ROBO3: variants seen among roughly 807,000 people sequenced by gnomAD.
ROBO3 encodes roundabout guidance receptor 3.
Under a neutral mutation model 160.5 loss-of-function variants are expected in ROBO3, and 97 were observed. The observed-to-expected ratio is 0.60, with a 90% confidence interval of 0.51 to 0.72. ROBO3 has a LOEUF of 0.72. ROBO3 is among the 30% of genes least tolerant of loss of function. The probability of loss-of-function intolerance (pLI) is 0.00; values close to 1 mark genes in which losing one functional copy is unlikely to be tolerated. For synonymous variants in ROBO3, 780 were observed against 746.2 expected (o/e 1.05, Z -0.74); for missense variants, 1,858 against 1,846.5 (o/e 1.01, Z -0.11).
Position 124,876,297 on chromosome 11 carries a change from C to G in ROBO3, c.2616C>G (p.Pro872=), listed in dbSNP as rs772338371. The G allele has an allele frequency of 1.4e-6, 2 of 1,459,670 alleles. No individual in the cohort carries two copies. The highest frequency in any genetic ancestry group is 1.8e-6 in the Non-Finnish European group (2 of 1,118,498). 90.4% of individuals were successfully genotyped at this position (1,459,670 alleles called of 1,614,324 possible). Residue 872 remains proline (P), a synonymous_variant, in exon 17 of 28, where the codon CCC becomes CCG. Transcript: ENST00000397801. The surrounding 1 kb of genome is among the most constrained non-coding windows in gnomAD (Gnocchi z 5.3). The part of the protein sequence containing the change: ...VQLPSPPDLE[P]GLEVGAGLAV... ...CAGCGTCCCCGCCGGACCTGGAGCC[C>G]GGGCTGGAGGTGGGCGCGGGGCTGG...
rs1248147583 is a variant in ROBO3 at position 124,872,910 on chromosome 11, A to G, written c.1357A>G (p.Ile453Val). 2 of 1,609,932 alleles carry G rather than the reference A, an allele frequency of 1.2e-6. No individual in the cohort carries two copies. The highest frequency in any genetic ancestry group is 1.1e-5 in the South Asian group (1 of 90,696). Residue 453 changes from isoleucine (I) to valine (V), a missense_variant, in exon 9 of 28, where the codon ATC becomes GTC. Ile to Val is a conservative substitution (Grantham distance 29). Transcript: ENST00000397801. The surrounding 1 kb of genome is among the most constrained non-coding windows in gnomAD (Gnocchi z 4.3). ...GASLDGLPPV[I>V]LQGPANQTLV... ...CTCTTTGGATGGGCTGCCTCCTGTC[A>G]TCCTCCAGGGACCAGCCAATCAGAC...
rs1394283542 is a variant in ROBO3, at chr11:124,865,744, C to G, written c.160+7C>G. On this transcript the variant is annotated splice_region_variant and intron_variant, in intron 1 of 27. Transcript: ENST00000397801. The surrounding 1 kb of genome is among the most constrained non-coding windows in gnomAD (Gnocchi z 5.5). The stretch of plus-strand genomic sequence containing the variant: ...GGCGATCCCTCTCTCAACGGTGAGA[C>G]CCTGCCTCTTGGGGATATGGGATCC... 6.2e-7 allele frequency: 1 copy of G among 1,603,094 alleles called. No homozygotes were observed. Among genetic ancestry groups the G allele is most frequent in the East Asian group, 2.2e-5 (1 of 44,666 alleles).
At chr11:124,874,753 G>T in intron 12 of ROBO3, 35 bp from the exon 13 acceptor site, 1 of 1,588,472 alleles carries the variant, frequency 6.3e-7, no homozygotes. Flanking sequence ...CCCTGTCCCT[G>T]GTGGCCTCTG....
Position 124,869,237 on chromosome 11 carries a change from C to A in ROBO3, c.487+109C>A. The A allele has an allele frequency of 7.8e-7, 1 of 1,277,836 alleles. No homozygotes were observed. The allele number at this position is 1,277,836 out of a possible 1,614,324, so 79.2% of individuals were successfully genotyped here. A position where few individuals can be genotyped will look rare whatever the true frequency, so the allele number is the denominator to read the frequency against. On this transcript the variant is annotated intron_variant, in intron 2 of 27. Transcript: ENST00000397801. The surrounding 1 kb of genome is among the most constrained non-coding windows in gnomAD (Gnocchi z 4.2). ...CCCCAAAGGACTTCAGCCCACTCAG[C>A]ATCCTTCTTTGGGACCGCGACCTTT...
chr11:124,878,205 C>G lies in ROBO3; in HGVS notation c.3181+74C>G. 1.5e-5 allele frequency: 23 copies of G among 1,572,376 alleles called. No individual in the cohort carries two copies. The highest frequency in any genetic ancestry group is 2.3e-5 in the South Asian group (2 of 86,582). ...CCAAAGAGGATCCTCCTCCCTGACC[C>G]TCTGGCACCTAGCCCGGCACTTCCT... On this transcript the variant is annotated intron_variant, in intron 21 of 27. Transcript: ENST00000397801. The surrounding 1 kb of genome is among the most constrained non-coding windows in gnomAD (Gnocchi z 4.3).
chr11:124,877,593 C>T lies in ROBO3; in HGVS notation c.2921C>T (p.Ser974Leu), dbSNP rs767125636. The change falls in exon 20 of 28, where the codon TCG becomes TTG. Residue 974 changes from serine (S) to leucine (L), a missense_variant. Coordinates refer to ENST00000397801, the MANE Select transcript of ROBO3 (RefSeq NM_022370.4). ...TGGCCCCACCCATCTCGAAGCCCCTCGGCCCAGGAACCCAGGGGAAGCTGC... is the reference window on the plus strand; with the variant it reads ...TGGCCCCACCCATCTCGAAGCCCCTTGGCCCAGGAACCCAGGGGAAGCTGC... ...DSWPHPSRSP[S>L]AQEPRGSCCP... 5 of 1,607,578 alleles carry T rather than the reference C, an allele frequency of 3.1e-6. No individual in the cohort carries two copies. Among genetic ancestry groups the T allele is most frequent in the Non-Finnish European group, 4.2e-6 (5 of 1,177,254 alleles).
intron 13 of ROBO3, 37 bp downstream of exon 13, chr11:124,874,946 TG>T (rs1489770437): frequency 1.9e-6 from 3 of 1,591,506 alleles, no homozygotes; most frequent in Non-Finnish European, 2.6e-6. Context: ...AGGGTGGGGA[TG>T]ATTATGAGGC....
At position 124,881,448 on chromosome 11, in the gene ROBO3, TA is replaced by T. The variant is rs1039391698; in HGVS notation, c.*203del. 17 of 596,920 alleles carry T rather than the reference TA, an allele frequency of 2.8e-5. No individual in the cohort carries two copies. The highest frequency in any genetic ancestry group is 4.4e-5 in the Non-Finnish European group (15 of 337,686). The allele number at this position is 596,920 out of a possible 1,614,324, so 37.0% of individuals were successfully genotyped here. ...GACTTGTTTATAAAAAACAAAACAA[TA>T]AAAAGAGTCTGATCAGAGCCCAGGG... On this transcript the variant is annotated 3_prime_UTR_variant, in exon 28 of 28. Coordinates refer to ENST00000397801, the MANE Select transcript of ROBO3 (RefSeq NM_022370.4).
Position 124,865,776 on chromosome 11 carries a change from G to C in ROBO3, c.160+39G>C. ...TCTTGGGGATATGGGATCCTGGGAT[G>C]GGGATGAGGTGAGAGGGCGGCGTGG... On this transcript the variant is annotated intron_variant, in intron 1 of 27. Coordinates refer to ENST00000397801, the MANE Select transcript of ROBO3 (RefSeq NM_022370.4). The surrounding 1 kb of genome is among the most constrained non-coding windows in gnomAD (Gnocchi z 5.5). The C allele has an allele frequency of 6.4e-7, 1 of 1,566,704 alleles. No individual in the cohort carries two copies. Among genetic ancestry groups the C allele is most frequent in the South Asian group, 1.2e-5 (1 of 85,582 alleles).
At position 124,874,779 on chromosome 11, in the gene ROBO3, G is replaced by A; in HGVS notation, c.1952-9G>A. ...GTGGCCTCTGCTGAATGGGTTCCTT[G>A]GTCAACAGATAGCAGCCCCTCTAGG... On this transcript the variant is annotated splice_polypyrimidine_tract_variant and intron_variant, in intron 12 of 27. Transcript: ENST00000397801. The A allele has an allele frequency of 6.2e-7, 1 of 1,604,696 alleles. No individual in the cohort carries two copies. The highest frequency in any genetic ancestry group is 8.5e-7 in the Non-Finnish European group (1 of 1,175,746).
chr11:124,868,307 G>A (rs1283879444), intron 1 of ROBO3, among the ~76,000 whole-genome samples: 1 of 152,188 alleles, frequency 6.6e-6, no homozygotes, highest in Non-Finnish European at 1.5e-5. Context: ...TCCCAAGCCA[G>A]TCCACATTCC....
At chr11:124,877,480 C>A in intron 19 of ROBO3, 39 bp from the exon 20 acceptor site, 1 of 1,600,062 alleles carries the variant, frequency 6.2e-7, no homozygotes, top group Non-Finnish European at 8.5e-7. Context: ...CTGGCCTCTT[C>A]AGGCTCTCCG....
rs1037973227 is a variant in ROBO3 at position 124,878,877 on chromosome 11, T to C, written c.3533+81T>C. ...GTAGATGACTGGGTGGGTGGATGGA[T>C]GGATGGGTGGATGGATCTGGGGTAC... On this transcript the variant is annotated intron_variant, in intron 23 of 27. Coordinates refer to ENST00000397801, the MANE Select transcript of ROBO3 (RefSeq NM_022370.4). The surrounding 1 kb of genome is among the most constrained non-coding windows in gnomAD (Gnocchi z 4.3). 1 of 1,161,792 alleles carries C rather than the reference T, an allele frequency of 8.6e-7. No individual in the cohort carries two copies. Among genetic ancestry groups the C allele is most frequent in the South Asian group, 1.4e-5 (1 of 71,962 alleles). 72.0% of individuals were successfully genotyped at this position (1,161,792 alleles called of 1,614,324 possible). A position where few individuals can be genotyped will look rare whatever the true frequency, so the allele number is the denominator to read the frequency against.
intron 1 of ROBO3, among the ~76,000 whole-genome samples, chr11:124,868,201 G>T (rs545718130): frequency 1.3e-5 from 2 of 152,310 alleles, no homozygotes; most frequent in Non-Finnish European, 2.9e-5. Context: ...TATCCGGGGT[G>T]TCAGTAAGAA....
chr11:124,867,258 C>T (rs1946210921), intron 1 of ROBO3, among the ~76,000 whole-genome samples: 1 of 152,176 alleles, frequency 6.6e-6, no homozygotes, highest in Non-Finnish European at 1.5e-5. Flanking sequence ...GGAACACAAG[C>T]CCTTAAATAA....
At chr11:124,866,030 C>T (rs1187910096) in intron 1 of ROBO3, among the ~76,000 whole-genome samples, 1 of 152,158 alleles carries the variant, frequency 6.6e-6, no homozygotes, top group Non-Finnish European at 1.5e-5. Context: ...TGGTAACGGG[C>T]AGGGAAGTCC....
chr11:124,872,929 A>G lies in ROBO3; in HGVS notation c.1376A>G (p.Asn459Ser), dbSNP rs577758720. The G allele has an allele frequency of 3.7e-6, 6 of 1,612,252 alleles. No homozygotes were observed. The highest frequency in any genetic ancestry group is 3.3e-5 in the Admixed American group (2 of 59,988). Residue 459 changes from asparagine (N) to serine (S), a missense_variant, in exon 9 of 28, where the codon AAT becomes AGT. Asn to Ser is a conservative substitution (Grantham distance 46, BLOSUM62 1). Coordinates refer to ENST00000397801, the MANE Select transcript of ROBO3 (RefSeq NM_022370.4). This position sits in a 1 kb window ranked among gnomAD's most constrained non-coding sequence, Gnocchi z 4.3. ...CCTGTCATCCTCCAGGGACCAGCCA[A>G]TCAGACGCTGGTGCTTGGCTCCTCC... ...LPPVILQGPA[N>S]QTLVLGSSVW... is the part of the protein sequence containing the mutation.
rs771821278 is a variant in ROBO3, at chr11:124,876,376, G to T, written c.2695G>T (p.Ala899Ser). The change falls in exon 17 of 28, where the codon GCA (alanine) becomes TCA (serine). Residue 899 changes from alanine to serine, a missense_variant. Coordinates refer to ENST00000397801, the MANE Select transcript of ROBO3 (RefSeq NM_022370.4). The surrounding 1 kb of genome is among the most constrained non-coding windows in gnomAD (Gnocchi z 5.3). ...REPAFLAGSG[A>S]ACGALLLGLC... ...GCCCGCCTTCCTCGCGGGCAGCGGC[G>T]CAGCCTGCGGGGCGCTGCTTCTCGG... 18 of 1,442,364 alleles carry T rather than the reference G, an allele frequency of 1.2e-5. 1 individual carries two copies. Among genetic ancestry groups the T allele is most frequent in the Admixed American group, 8.4e-5 (3 of 35,698 alleles). The allele number at this position is 1,442,364 out of a possible 1,614,324, so 89.3% of individuals were successfully genotyped here.
rs898985983 is a variant in ROBO3, at chr11:124,878,887, G to A, written c.3533+91G>A. The A allele has an allele frequency of 3.5e-6, 4 of 1,136,328 alleles. No homozygotes were observed. Among genetic ancestry groups the A allele is most frequent in the Non-Finnish European group, 5.1e-6 (4 of 788,550 alleles). The allele number at this position is 1,136,328 out of a possible 1,614,324, so 70.4% of individuals were successfully genotyped here. A position where few individuals can be genotyped will look rare whatever the true frequency, so the allele number is the denominator to read the frequency against. On this transcript the variant is annotated intron_variant, in intron 23 of 27. Coordinates refer to ENST00000397801, the MANE Select transcript of ROBO3 (RefSeq NM_022370.4). The surrounding 1 kb of genome is among the most constrained non-coding windows in gnomAD (Gnocchi z 4.3). ...GGGTGGGTGGATGGATGGATGGGTG[G>A]ATGGATCTGGGGTACAGAGGTCTCA...
Sources: gnomAD v4.1 joint callset for allele counts (sites outside exome capture counted in the v4.1 genomes callset) on GRCh38, gnomAD v4.1.1 for gene constraint, Gnocchi (gnomAD v3.1) non-coding constraint, MANE v1.5 for transcripts, NCBI Gene and HGNC (gene_info 2026-07-23, HGNC 2026-07-21) for gene names.